CGGBP1: variants seen among roughly 807,000 people sequenced by gnomAD.
The protein encoded by CGGBP1 is CGG triplet repeat-binding protein 1.
Under a neutral mutation model 11.4 loss-of-function variants are expected in CGGBP1, and 4 were observed. The ratio of observed to expected loss-of-function variants is 0.35; its 90% CI spans 0.17 to 0.80. The LOEUF (loss-of-function observed/expected upper bound fraction) is 0.80, where lower values mean the gene tolerates loss of function less well. Ranked by LOEUF, CGGBP1 falls within the 30% of genes least tolerant of loss-of-function variation. The pLI, the probability that CGGBP1 is intolerant of heterozygous loss-of-function variation, is 0.52. For missense variants in CGGBP1, 135 were observed against 202.1 expected (o/e 0.67, Z 2.01); for synonymous variants, 76 against 74.1 (o/e 1.03, Z -0.13).
At chr3:88,089,665 T>C (rs1490155714) in intron 2 of CGGBP1, among the ~76,000 whole-genome samples, 2 of 152,176 alleles carry the variant, frequency 1.3e-5, no homozygotes, top group Non-Finnish European at 2.9e-5. Context: ...TTCAGGGCTG[T>C]TGACAGTTCT....
chr3:88,140,612 T>C, intron 2 of CGGBP1: 1 of 1,613,688 alleles, frequency 6.2e-7, no homozygotes, highest in Non-Finnish European at 8.5e-7. Context: ...ATGGACACAG[T>C]GAAATAGAGC....
At chr3:88,089,865 C>T (rs528177375) in intron 2 of CGGBP1, among the ~76,000 whole-genome samples, 40 of 152,102 alleles carry the variant, frequency 2.6e-4, no homozygotes, top group Non-Finnish European at 3.8e-4. Flanking sequence ...ATAAGTCATG[C>T]GCTGCATAAA....
intron 2 of CGGBP1, among the ~76,000 whole-genome samples, chr3:88,103,283 C>T (rs1323810030): frequency 2.6e-5 from 4 of 152,112 alleles, no homozygotes; most frequent in East Asian, 3.9e-4. Flanking sequence ...TTGGAAATTT[C>T]GGCACAGAAA....
rs1198454405 is a variant in CGGBP1 at position 88,116,626 on chromosome 3, G to GTA, written c.-229+24342_-229+24343dup. Among the ~76,000 whole-genome samples, 4 of 151,156 alleles carry GTA rather than the reference G, an allele frequency of 2.6e-5. No individual in the cohort carries two copies. The South Asian group carries it at 6.3e-4, about 24-fold the overall frequency. On this transcript the variant is annotated intron_variant, in intron 2 of 3. Coordinates refer to the CGGBP1 transcript ENST00000462901. ...GTGTATATATGTTGTGTGTGTGTGT[G>GTA]TATATATATGTATATATATGGCTTT...
upstream of CGGBP1, chr3:88,059,184 GCCCAGCCGAGAGGC>G: frequency 7.0e-7 from 1 of 1,429,964 alleles, no homozygotes; most frequent in Non-Finnish European, 9.1e-7. Context: ...CGGAAGTAGA[GCCCAGCCGAGAGGC>G]CCCTGTCCGG....
rs750968952 is a variant in CGGBP1, at chr3:88,055,881, A to G, written c.96T>C (p.Gly32=). The G allele has an allele frequency of 2.1e-5, 34 of 1,614,030 alleles. No individual in the cohort carries two copies. Among genetic ancestry groups the G allele is most frequent in the Non-Finnish European group, 2.8e-5 (33 of 1,180,038 alleles). Residue 32 remains glycine, a synonymous_variant, in exon 4 of 4, where the codon GGT becomes GGC. Transcript: ENST00000482016. The surrounding 1 kb of genome is among the most constrained non-coding windows in gnomAD (Gnocchi z 4.2). The part of the protein sequence containing the change: ...TPLDRVTEFG[G]ELHEDGGKLF... ...GTTTTCCTCCATCTTCATGCAGCTC[A>G]CCTCCAAACTCAGTGACTCGATCCA...
intron 1 of CGGBP1, chr3:88,144,664 A>G (rs974124459): frequency 2.0e-5 from 3 of 152,440 alleles, no homozygotes; most frequent in Non-Finnish European, 4.4e-5. Flanking sequence ...TTGGTAATCA[A>G]GTGTTCAATT....
At chr3:88,125,208 T>C (rs1706023738) in intron 2 of CGGBP1, among the ~76,000 whole-genome samples, 1 of 145,330 alleles carries the variant, frequency 6.9e-6, no homozygotes, top group Non-Finnish European at 1.5e-5. Flanking sequence ...AAGTTAAGAC[T>C]CCATCTCAAA....
chr3:88,128,172 A>C (rs1706231592), intron 2 of CGGBP1, among the ~76,000 whole-genome samples: 1 of 152,274 alleles, frequency 6.6e-6, no homozygotes, highest in African/African-American at 2.4e-5. Context: ...TTAGGTCTAA[A>C]TAAATTTATT....
intron 2 of CGGBP1, among the ~76,000 whole-genome samples, chr3:88,117,577 G>T (rs544105058): frequency 1.3e-5 from 2 of 152,122 alleles, no homozygotes; most frequent in South Asian, 2.1e-4. Flanking sequence ...TACAAATGGG[G>T]TCATTACAGA....
intron 2 of CGGBP1, chr3:88,095,977 A>G: frequency 3.3e-6 from 1 of 299,076 alleles, no homozygotes; most frequent in Non-Finnish European, 6.2e-6. Flanking sequence ...CCCGTGTTGC[A>G]CTGTTCTACC....
intron 1 of CGGBP1, chr3:88,143,450 A>AT (rs1348572322): frequency 6.6e-6 from 1 of 152,308 alleles, no homozygotes; most frequent in Non-Finnish European, 1.5e-5. Flanking sequence ...AAATGTAATG[A>AT]TTTTTATTTT....
intron 2 of CGGBP1, among the ~76,000 whole-genome samples, chr3:88,122,738 G>A (rs1325146563): frequency 6.6e-6 from 1 of 151,906 alleles, no homozygotes; most frequent in Non-Finnish European, 1.5e-5. Context: ...GGCTGGGTAC[G>A]GTGGCTCATA....
At chr3:88,138,006 G>A (rs1474278694) in intron 2 of CGGBP1, among the ~76,000 whole-genome samples, 1 of 151,976 alleles carries the variant, frequency 6.6e-6, no homozygotes, top group East Asian at 1.9e-4. Context: ...AAGATGGGTC[G>A]ACAATAGATT....
Position 88,054,311 on chromosome 3 carries a change from C to G in CGGBP1, c.*1162G>C, listed in dbSNP as rs1706491966. On this transcript the variant is annotated 3_prime_UTR_variant, in exon 4 of 4. Transcript: ENST00000482016. ...GGGCTAAGCTACTTGGATAACCTTA[C>G]AGGATAGTGAGGTTCAAACAGAGAT... 1 of 152,356 alleles carries G rather than the reference C, an allele frequency of 6.6e-6. No homozygotes were observed. Among genetic ancestry groups the G allele is most frequent in the African/African-American group, 2.4e-5 (1 of 41,438 alleles). 9.4% of individuals were successfully genotyped at this position (152,356 alleles called of 1,614,324 possible). A position where few individuals can be genotyped will look rare whatever the true frequency, so the allele number is the denominator to read the frequency against.
intron 2 of CGGBP1, among the ~76,000 whole-genome samples, chr3:88,136,961 G>A (rs775796756): frequency 5.3e-5 from 8 of 152,022 alleles, no homozygotes; most frequent in Non-Finnish European, 7.4e-5. Context: ...TTGGGATGCC[G>A]AGGTGGGCAG....
At chr3:88,086,445 T>A (rs1409335584) in intron 2 of CGGBP1, 3 of 1,402,754 alleles carry the variant, frequency 2.1e-6, no homozygotes, top group East Asian at 2.6e-5. Context: ...TTTTTCTTGA[T>A]GTGTTTGAGA....
At chr3:88,078,235 A>T (rs763041375) in intron 2 of CGGBP1, among the ~76,000 whole-genome samples, 1 of 152,170 alleles carries the variant, frequency 6.6e-6, no homozygotes, top group East Asian at 1.9e-4. Flanking sequence ...ATTATCTTCT[A>T]TTAAATCAAC....
intron 2 of CGGBP1, chr3:88,112,973 G>A (rs1705185865): frequency 1.8e-6 from 1 of 544,340 alleles, no homozygotes; most frequent in Non-Finnish European, 3.2e-6. Context: ...AACATAATAT[G>A]AATTCTAGTG....
Sources: gnomAD v4.1 joint callset for allele counts (sites outside exome capture counted in the v4.1 genomes callset) on GRCh38, gnomAD v4.1.1 for gene constraint, Gnocchi (gnomAD v3.1) non-coding constraint, MANE v1.5 for transcripts, NCBI Gene and HGNC (gene_info 2026-07-23, HGNC 2026-07-21) for gene names.